The following PRKAA2 variants were observed in gnomAD, a reference collection of about 807,000 sequenced individuals.
PRKAA2 encodes the protein 5'-AMP-activated protein kinase catalytic subunit alpha-2.
PRKAA2 carries 40 observed loss-of-function variants against 56.3 expected under a neutral mutation model. The ratio of observed to expected loss-of-function variants is 0.71; its 90% CI spans 0.55 to 0.92. PRKAA2 has a LOEUF of 0.92. PRKAA2 is among the 40% of genes least tolerant of loss of function. PRKAA2 has a pLI of 0.00. For synonymous variants in PRKAA2, 214 were observed against 234.2 expected (o/e 0.91, Z 0.79); for missense variants, 542 against 686.9 (o/e 0.79, Z 2.36).
Position 56,697,870 on chromosome 1 carries a change from A to G in PRKAA2, c.788+1711A>G, listed in dbSNP as rs1644269212. 2.0e-5 allele frequency among the ~76,000 whole-genome samples: 3 copies of G among 151,912 alleles called. No individual in the cohort carries two copies. The South Asian group carries it at 6.2e-4, about 32-fold the overall frequency. The stretch of plus-strand genomic sequence containing the variant: ...ATTGCTTTAAAACAGGTGTTTGTAT[A>G]TTTATATACTTCAGAAGAAAAATGT... On this transcript the variant is annotated intron_variant, in intron 6 of 8. Coordinates refer to ENST00000371244, the MANE Select transcript of PRKAA2 (RefSeq NM_006252.4).
intron 2 of PRKAA2, among the ~76,000 whole-genome samples, chr1:56,683,854 C>T (rs1165257474): frequency 2.0e-5 from 3 of 151,972 alleles, no homozygotes; most frequent in African/African-American, 4.8e-5. Flanking sequence ...CATTATAGGC[C>T]ATTGTCAGGG....
In PRKAA2 at chr1:56,699,754, C is replaced by T. The variant is rs139115288; in HGVS notation, c.788+3595C>T. On this transcript the variant is annotated intron_variant, in intron 6 of 8. Transcript: ENST00000371244. ...GAAACTATACACACTAATAGTCACT[C>T]CCCATTTCCCCTTCCTCCTATCCCC... Among the ~76,000 whole-genome samples, 1,055 of 152,254 alleles carry T rather than the reference C, an allele frequency of 6.9e-3. 8 individuals carry two copies. The highest frequency in any genetic ancestry group is 0.022 in the African/African-American group (896 of 41,552).
chr1:56,713,866 A>C lies in PRKAA2; in HGVS notation c.*6153A>C, dbSNP rs1206471618. ...ACTGTTCTAAAAAAAAAAAAAAAAA[A>C]AAACACTAAATTGTGCCTTCTCCCT... On this transcript the variant is annotated 3_prime_UTR_variant, in exon 9 of 9. Coordinates refer to ENST00000371244, the MANE Select transcript of PRKAA2 (RefSeq NM_006252.4). 2 of 151,594 alleles carry C rather than the reference A, an allele frequency of 1.3e-5. No homozygotes were observed. The highest frequency in any genetic ancestry group is 6.6e-5 in the Admixed American group (1 of 15,198). 9.4% of individuals were successfully genotyped at this position (151,594 alleles called of 1,614,324 possible). A position where few individuals can be genotyped will look rare whatever the true frequency, so the allele number is the denominator to read the frequency against.
chr1:56,676,621 G>A (rs1436938000), intron 2 of PRKAA2, among the ~76,000 whole-genome samples: 1 of 152,190 alleles, frequency 6.6e-6, no homozygotes, highest in Non-Finnish European at 1.5e-5. Context: ...AAGTATGGCA[G>A]CAATGGGAAA....
In PRKAA2 at chr1:56,672,956, G is replaced by A. The variant is rs561656826; in HGVS notation, c.95-1425G>A. ...TTTGGAGGGTATATGATTTGGATAG[G>A]CTTAAGAGAAATAGCCATTAGAAAA... On this transcript the variant is annotated intron_variant, in intron 1 of 8. Coordinates refer to ENST00000371244, the MANE Select transcript of PRKAA2 (RefSeq NM_006252.4). Among the ~76,000 whole-genome samples the A allele has an allele frequency of 3.3e-5, 5 of 152,256 alleles. No homozygotes were observed. In the South Asian group the frequency reaches 6.2e-4, roughly 19 times the overall value.
intron 2 of PRKAA2, among the ~76,000 whole-genome samples, chr1:56,687,283 A>G (rs913205208): frequency 8.5e-5 from 13 of 152,294 alleles, no homozygotes; most frequent in African/African-American, 3.1e-4. Context: ...TTGAATCTCA[A>G]TAAAATAACT....
Position 56,647,072 on chromosome 1 carries a change from TTTTTGCAAAGACC to T in PRKAA2, c.94+1593_94+1605del, listed in dbSNP as rs1646648980. Among the ~76,000 whole-genome samples, 12 of 152,298 alleles carry T rather than the reference TTTTTGCAAAGACC, an allele frequency of 7.9e-5. No homozygotes were observed. In the South Asian group the frequency reaches 2.5e-3, roughly 32 times the overall value. The stretch of plus-strand genomic sequence containing the variant: ...AATAAGGTGGTCAGACAAGGTGGTA[TTTTTGCAAAGACC>T]TAAAAAGTTTGTAAAATTCTTTGCT... On this transcript the variant is annotated intron_variant, in intron 1 of 8. Coordinates refer to ENST00000371244, the MANE Select transcript of PRKAA2 (RefSeq NM_006252.4).
intron 2 of PRKAA2, among the ~76,000 whole-genome samples, chr1:56,689,437 G>A (rs1242237320): frequency 6.6e-6 from 1 of 152,050 alleles, no homozygotes; most frequent in Non-Finnish European, 1.5e-5. Flanking sequence ...ATTTCTTCTG[G>A]CCAGGCTTGG....
At chr1:56,700,003 T>C (rs1644283539) in intron 6 of PRKAA2, among the ~76,000 whole-genome samples, 1 of 152,252 alleles carries the variant, frequency 6.6e-6, no homozygotes, top group South Asian at 2.1e-4. Flanking sequence ...TTAACGAAGA[T>C]TGAATTGTTT....
intron 1 of PRKAA2, among the ~76,000 whole-genome samples, chr1:56,646,999 C>G (rs183781232): frequency 2.5e-4 from 38 of 152,074 alleles, no homozygotes; most frequent in African/African-American, 8.7e-4. Context: ...TTGAGAAAAA[C>G]GAATCAGGGA....
At chr1:56,689,132 A>G (rs762696573) in intron 2 of PRKAA2, among the ~76,000 whole-genome samples, 1 of 152,092 alleles carries the variant, frequency 6.6e-6, no homozygotes. Flanking sequence ...TTTGTGCCCC[A>G]TCTAGGATGT....
Position 56,709,586 on chromosome 1 carries a change from T to C in PRKAA2, c.*1873T>C, listed in dbSNP as rs1380347628. ...ATGGCATAGTTTTGGGTTCTCTAAA[T>C]GGGTCCATACCTCTTTTGGGAAAAA... On this transcript the variant is annotated 3_prime_UTR_variant, in exon 9 of 9. Coordinates refer to ENST00000371244, the MANE Select transcript of PRKAA2 (RefSeq NM_006252.4). The C allele has an allele frequency of 6.6e-6, 1 of 152,132 alleles. No individual in the cohort carries two copies. Among genetic ancestry groups the C allele is most frequent in the Non-Finnish European group, 1.5e-5 (1 of 67,990 alleles). The allele number at this position is 152,132 out of a possible 1,614,324, so 9.4% of individuals were successfully genotyped here.
chr1:56,651,246 T>TAG (rs1643894439), intron 1 of PRKAA2, among the ~76,000 whole-genome samples: 1 of 152,218 alleles, frequency 6.6e-6, no homozygotes, highest in Non-Finnish European at 1.5e-5. Flanking sequence ...GTCTGAAATG[T>TAG]AGATGTAATG....
chr1:56,660,686 T>G (rs1643987223), intron 1 of PRKAA2, among the ~76,000 whole-genome samples: 1 of 152,122 alleles, frequency 6.6e-6, no homozygotes. Flanking sequence ...TTATGTGAAT[T>G]TTGAGCTTGG....
At chr1:56,689,951 T>C (rs558180654) in intron 2 of PRKAA2, among the ~76,000 whole-genome samples, 1 of 151,122 alleles carries the variant, frequency 6.6e-6, no homozygotes, top group South Asian at 2.1e-4. Context: ...TAATTTTTCA[T>C]GATGGGAATT....
rs1395404745 is a variant in PRKAA2 at position 56,711,539 on chromosome 1, CTGTTTT to C, written c.*3832_*3837del. 2 of 152,118 alleles carry C rather than the reference CTGTTTT, an allele frequency of 1.3e-5. No homozygotes were observed. The highest frequency in any genetic ancestry group is 2.4e-5 in the African/African-American group (1 of 41,436). 9.4% of individuals were successfully genotyped at this position (152,118 alleles called of 1,614,324 possible). On this transcript the variant is annotated 3_prime_UTR_variant, in exon 9 of 9. Transcript: ENST00000371244. ...ATGCTAGACATGTTCACAATTTTGT[CTGTTTT>C]TGTTTATTTGTTTTTAAGACCCAAA...
intron 1 of PRKAA2, among the ~76,000 whole-genome samples, chr1:56,648,713 A>G (rs1016706017): frequency 3.9e-5 from 6 of 152,128 alleles, no homozygotes; most frequent in African/African-American, 9.7e-5. Context: ...CTTTGCCAAC[A>G]TTTGTTATTG....
At position 56,707,700 on chromosome 1, in the gene PRKAA2, C is replaced by T. The variant is rs766345818; in HGVS notation, c.1646C>T (p.Thr549Ile). Residue 549 changes from threonine to isoleucine, a missense_variant, in exon 9 of 9, where the codon ACT becomes ATT. Coordinates refer to ENST00000371244, the MANE Select transcript of PRKAA2 (RefSeq NM_006252.4). ...GAAATGTGTGCCAGTCTGATTACTA[C>T]TTTAGCCCGTTGATCTGTCTCTAGT... ...FFEMCASLIT[T>I]LAR 6.3e-7 allele frequency: 1 copy of T among 1,595,220 alleles called. No individual in the cohort carries two copies. The highest frequency in any genetic ancestry group is 8.6e-7 in the Non-Finnish European group (1 of 1,162,834).
rs527285852 is a variant in PRKAA2, at chr1:56,707,950, G to A, written c.*237G>A. 1.9e-4 allele frequency: 101 copies of A among 529,000 alleles called. No homozygotes were observed. The South Asian group carries it at 2.2e-3, about 12-fold the overall frequency. The allele number at this position is 529,000 out of a possible 1,614,324, so 32.8% of individuals were successfully genotyped here. A position where few individuals can be genotyped will look rare whatever the true frequency, so the allele number is the denominator to read the frequency against. On this transcript the variant is annotated 3_prime_UTR_variant, in exon 9 of 9. Transcript: ENST00000371244. ...ATTCACATAGGCAATATCTTTAATAGGTTAATATCAATGAAGATTTTTAAT... is the reference window on the plus strand; with the variant it reads ...ATTCACATAGGCAATATCTTTAATAAGTTAATATCAATGAAGATTTTTAAT...
Sources: gnomAD v4.1 joint callset for allele counts (sites outside exome capture counted in the v4.1 genomes callset) on GRCh38, gnomAD v4.1.1 for gene constraint, MANE v1.5 for transcripts, NCBI Gene and HGNC (gene_info 2026-07-23, HGNC 2026-07-21) for gene names.